Variants in ARL13B observed in about 807,000 individuals in gnomAD.
ARL13B encodes the protein ARF like GTPase 13B, also known as ADP-ribosylation factor-like protein 13B.
In ARL13B, 36 loss-of-function variants were observed where a neutral mutation model predicts 56.1. The observed-to-expected ratio is 0.64, with a 90% CI of 0.49 to 0.85. The LOEUF (loss-of-function observed/expected upper bound fraction) is 0.85. ARL13B is among the 40% of genes least tolerant of loss of function. The pLI is 0.00. For synonymous variants in ARL13B, 178 were observed against 171.1 expected (o/e 1.04, Z -0.32); for missense variants, 519 against 507.1 (o/e 1.02, Z -0.23).
chr3:93,992,703 A>G (rs1038924179), intron 1 of ARL13B, among the ~76,000 whole-genome samples: 6 of 152,344 alleles, frequency 3.9e-5, no homozygotes, highest in Admixed American at 6.5e-5. Flanking sequence ...ATAAAGAACA[A>G]TTGAGTTAGC....
intron 3 of ARL13B, among the ~76,000 whole-genome samples, chr3:94,033,484 C>T (rs2076712488): frequency 6.6e-6 from 1 of 151,860 alleles, no homozygotes; most frequent in Non-Finnish European, 1.5e-5. Flanking sequence ...AAACATTTAT[C>T]TTGACTTTGT....
Position 94,049,425 on chromosome 3 carries a change from T to C in ARL13B, c.1044T>C (p.Thr348=). The change falls in exon 8 of 10, where the codon ACT becomes ACC. Residue 348 remains threonine, a synonymous_variant. Transcript: ENST00000394222. ...TTGTAGCTAATGGTAAAAAGAAAAC[T>C]AAGAAACTAAGAATGAAAAGGAACC... ...SLESANGKKK[T]KKLRMKRNHR... 2.5e-6 allele frequency: 4 copies of C among 1,605,558 alleles called. No individual in the cohort carries two copies. Among genetic ancestry groups the C allele is most frequent in the Non-Finnish European group, 3.4e-6 (4 of 1,175,442 alleles).
rs200220190 is a variant in ARL13B, at chr3:94,046,997, G to T, written c.1025-2409G>T. ...CTCTTATCTACTAGATATACGTTAA[G>T]TTATGTAACATTCTTTAGTCTTAGT... On this transcript the variant is annotated intron_variant, in intron 7 of 9. Coordinates refer to ENST00000394222, the MANE Select transcript of ARL13B (RefSeq NM_001174150.2). 3.0e-4 allele frequency among the ~76,000 whole-genome samples: 46 copies of T among 152,158 alleles called. No homozygotes were observed. In the East Asian group the frequency reaches 8.9e-3, roughly 29 times the overall value.
chr3:94,053,824 CATG>C lies in ARL13B; in HGVS notation c.*563_*565del. The stretch of plus-strand genomic sequence containing the variant: ...AAAATAGAGTTGATTTACTTTCAGA[CATG>C]AACTATACAAACAGGATATATTTAT... On this transcript the variant is annotated 3_prime_UTR_variant, in exon 10 of 10. Transcript: ENST00000394222. 6.8e-6 allele frequency: 2 copies of C among 295,138 alleles called. No homozygotes were observed. The highest frequency in any genetic ancestry group is 6.5e-6 in the Non-Finnish European group (1 of 152,712). 18.3% of individuals were successfully genotyped at this position (295,138 alleles called of 1,614,324 possible). A position where few individuals can be genotyped will look rare whatever the true frequency, so the allele number is the denominator to read the frequency against.
intron 6 of ARL13B, among the ~76,000 whole-genome samples, chr3:94,040,445 C>A (rs1489373966): frequency 6.6e-6 from 1 of 152,112 alleles, no homozygotes; most frequent in Non-Finnish European, 1.5e-5. Flanking sequence ...GCAATAAATT[C>A]TCCTATATCT....
intron 3 of ARL13B, among the ~76,000 whole-genome samples, chr3:94,025,657 T>C (rs2076541775): frequency 6.6e-6 from 1 of 152,164 alleles, no homozygotes. Flanking sequence ...TATGGATACA[T>C]TGAGGCTATT....
At position 94,055,356 on chromosome 3, in the gene ARL13B, T is replaced by C. The variant is rs558136204; in HGVS notation, c.*2093T>C. ...TAAAATAGGTAAAGATTTTAAAATA[T>C]GATTATTGAAAAACAGTTTAAATCA... On this transcript the variant is annotated 3_prime_UTR_variant, in exon 10 of 10. Transcript: ENST00000394222. 1.3e-4 allele frequency: 58 copies of C among 439,494 alleles called. 1 individual carries two copies. Among genetic ancestry groups the C allele is most frequent in the African/African-American group, 1.1e-3 (57 of 49,576 alleles). The allele number at this position is 439,494 out of a possible 1,614,324, so 27.2% of individuals were successfully genotyped here.
intron 1 of ARL13B, among the ~76,000 whole-genome samples, chr3:93,981,070 A>G (rs184544111): frequency 7.9e-5 from 12 of 152,338 alleles, no homozygotes; most frequent in African/African-American, 2.2e-4. Flanking sequence ...GTAGCTTCCA[A>G]TTTTTATACG....
intron 3 of ARL13B, among the ~76,000 whole-genome samples, chr3:94,016,142 C>T (rs1407305977): frequency 2.0e-5 from 3 of 151,958 alleles, no homozygotes; most frequent in Middle Eastern, 3.2e-3. Flanking sequence ...GACATACATA[C>T]ATATAAAATG....
chr3:94,025,465 T>C (rs149866151), intron 3 of ARL13B, among the ~76,000 whole-genome samples: 490 of 152,320 alleles, frequency 3.2e-3, no homozygotes, highest in African/African-American at 0.011. Flanking sequence ...AGAATATTTA[T>C]GTGAAAGATC....
At chr3:94,018,987 A>G (rs1230044195) in intron 3 of ARL13B, among the ~76,000 whole-genome samples, 1 of 152,060 alleles carries the variant, frequency 6.6e-6, no homozygotes, top group African/African-American at 2.4e-5. Context: ...GCTGGTCGCA[A>G]ACTCCTGATC....
At chr3:94,024,221 G>A (rs981570283) in intron 3 of ARL13B, among the ~76,000 whole-genome samples, 4 of 152,188 alleles carry the variant, frequency 2.6e-5, no homozygotes, top group African/African-American at 9.6e-5. Flanking sequence ...CTTCCACCTT[G>A]ACTATGAATT....
chr3:94,047,127 G>A (rs772551947), intron 7 of ARL13B, among the ~76,000 whole-genome samples: 12 of 152,090 alleles, frequency 7.9e-5, no homozygotes, highest in African/African-American at 2.4e-4. Context: ...CATGAGATGC[G>A]CCCTATAATT....
intron 8 of ARL13B, among the ~76,000 whole-genome samples, chr3:94,049,996 CAAAAAAAAA>C (rs532785971): frequency 1.9e-4 from 12 of 64,426 alleles, no homozygotes; most frequent in African/African-American, 7.1e-4. Context: ...ACTAAAGATA[CAAAAAAAAA>C]AAAAAAAAAT....
intron 1 of ARL13B, among the ~76,000 whole-genome samples, chr3:93,981,371 T>G (rs1194845063): frequency 3.9e-5 from 6 of 152,148 alleles, no homozygotes; most frequent in Non-Finnish European, 8.8e-5. Flanking sequence ...CAAAGTTGTT[T>G]TTTTTTTTAA....
intron 2 of ARL13B, among the ~76,000 whole-genome samples, chr3:93,997,385 G>T (rs1051351576): frequency 6.6e-6 from 1 of 152,132 alleles, no homozygotes; most frequent in African/African-American, 2.4e-5. Context: ...CTAAATAGTG[G>T]AAGGGCATTT....
chr3:93,989,399 A>G (rs1170906336), intron 1 of ARL13B, among the ~76,000 whole-genome samples: 1 of 152,148 alleles, frequency 6.6e-6, no homozygotes, highest in Non-Finnish European at 1.5e-5. Flanking sequence ...GAGCCTGTAT[A>G]AAAAGTAGCC....
intron 1 of ARL13B, among the ~76,000 whole-genome samples, chr3:93,992,149 C>A (rs1009364042): frequency 1.3e-5 from 2 of 151,768 alleles, no homozygotes; most frequent in Admixed American, 1.3e-4. Context: ...AACAGTGTTT[C>A]AAAATGCATA....
At chr3:93,998,707 C>T (rs1027603524) in intron 2 of ARL13B, among the ~76,000 whole-genome samples, 1 of 152,116 alleles carries the variant, frequency 6.6e-6, no homozygotes, top group Non-Finnish European at 1.5e-5. Context: ...TGATCATGTC[C>T]ACTTTTTTGG....
Sources: allele counts gnomAD v4.1 joint callset (sites outside exome capture counted in the v4.1 genomes callset), GRCh38; gene constraint gnomAD v4.1.1; transcripts MANE v1.5; gene names NCBI Gene and HGNC (gene_info 2026-07-23, HGNC 2026-07-21).